FAM89B: variants seen among roughly 807,000 people sequenced by gnomAD.
FAM89B encodes the protein leucine repeat adapter protein 25.
A neutral mutation model predicts 13.4 loss-of-function variants in FAM89B; 9 were observed. The ratio of observed to expected loss-of-function variants is 0.67; its 90% CI spans 0.40 to 1.17. FAM89B has a LOEUF of 1.17. Among genes scored for constraint, FAM89B ranks in the 50% most tolerant of loss-of-function variants. FAM89B has a pLI of 0.01. For synonymous variants in FAM89B, 138 were observed against 121.2 expected (o/e 1.14, Z -0.91); for missense variants, 256 against 256.1 (o/e 1.00, Z 0.00).
Position 65,573,365 on chromosome 11 carries a change from G to A in FAM89B, c.294G>A (p.Val98=), listed in dbSNP as rs780339344. The change falls in exon 2 of 2, where the codon GTG becomes GTA. Residue 98 remains valine (V), a splice_region_variant and synonymous_variant. Coordinates refer to ENST00000530349, the MANE Select transcript of FAM89B (RefSeq NM_001098785.2). ...SALAALRKEM[V]GLRQLDMSLL... ...AGCCCACCCTCAGTTGTCTGCAGGT[G>A]GGGCTGCGGCAGTTGGACATGTCCT... is the stretch of plus-strand genomic sequence containing the variant. 6.5e-7 allele frequency: 1 copy of A among 1,549,714 alleles called. No homozygotes were observed. The highest frequency in any genetic ancestry group is 8.8e-7 in the Non-Finnish European group (1 of 1,141,700).
chr11:65,572,539 A>G lies in FAM89B; in HGVS notation c.-131A>G. On this transcript the variant is annotated 5_prime_UTR_variant, in exon 1 of 2. Coordinates refer to ENST00000530349, the MANE Select transcript of FAM89B (RefSeq NM_001098785.2). ...GAGGCGGAGTCTGAGGAGCTGGGGA[A>G]GGAACAAAGCGAGGCCTGCGGGCGG... The G allele has an allele frequency of 2.0e-6, 3 of 1,525,288 alleles. No homozygotes were observed. Among genetic ancestry groups the G allele is most frequent in the East Asian group, 2.5e-5 (1 of 40,452 alleles). The allele number at this position is 1,525,288 out of a possible 1,614,324, so 94.5% of individuals were successfully genotyped here. A position where few individuals can be genotyped will look rare whatever the true frequency, so the allele number is the denominator to read the frequency against.
In FAM89B at chr11:65,572,900, A is replaced by G. The variant is rs1339166879; in HGVS notation, c.231A>G (p.Ala77=). ...CCGGCGCCGCCAACGCGGGACCCGC[A>G]GCCGGCCCGCGTCGTCCTGTCAACC... is the stretch of plus-strand genomic sequence containing the variant. ...HAAGAANAGP[A]AGPRRPVNLD... is the part of the protein sequence containing the mutation. The change falls in exon 1 of 2, where the codon GCA becomes GCG. Residue 77 remains alanine, a synonymous_variant. Transcript: ENST00000530349. 2 of 1,214,410 alleles carry G rather than the reference A, an allele frequency of 1.6e-6. No homozygotes were observed. Among genetic ancestry groups the G allele is most frequent in the South Asian group, 4.1e-5 (1 of 24,636 alleles). The allele number at this position is 1,214,410 out of a possible 1,614,324, so 75.2% of individuals were successfully genotyped here.
chr11:65,572,873 C>A lies in FAM89B; in HGVS notation c.204C>A (p.Ala68=). 1.7e-6 allele frequency: 2 copies of A among 1,200,298 alleles called. No individual in the cohort carries two copies. Among genetic ancestry groups the A allele is most frequent in the Non-Finnish European group, 2.1e-6 (2 of 971,294 alleles). 74.4% of individuals were successfully genotyped at this position (1,200,298 alleles called of 1,614,324 possible). A position where few individuals can be genotyped will look rare whatever the true frequency, so the allele number is the denominator to read the frequency against. ...AARAPDGPRH[A]AGAANAGPAA... is the part of the protein sequence containing the mutation. ...GCGCCCCGGACGGGCCCCGCCACGCCGCCGGCGCCGCCAACGCGGGACCCG... is the reference window on the plus strand; with the variant it reads ...GCGCCCCGGACGGGCCCCGCCACGCAGCCGGCGCCGCCAACGCGGGACCCG... Residue 68 remains alanine (A), a synonymous_variant, in exon 1 of 2, where the codon GCC becomes GCA. Transcript: ENST00000530349.
chr11:65,572,645 A>G lies in FAM89B; in HGVS notation c.-25A>G. 8.5e-7 allele frequency: 1 copy of G among 1,176,858 alleles called. No individual in the cohort carries two copies. The highest frequency in any genetic ancestry group is 1.0e-6 in the Non-Finnish European group (1 of 955,324). The allele number at this position is 1,176,858 out of a possible 1,614,324, so 72.9% of individuals were successfully genotyped here. A position where few individuals can be genotyped will look rare whatever the true frequency, so the allele number is the denominator to read the frequency against. On this transcript the variant is annotated 5_prime_UTR_variant, in exon 1 of 2. Coordinates refer to ENST00000530349, the MANE Select transcript of FAM89B (RefSeq NM_001098785.2). ...GGAGCGTTGGAGGGAAGGAGGTGGC[A>G]TCGCCGTCCGCGCCGGCCCCGGCCA...
chr11:65,573,566 G>A lies in FAM89B; in HGVS notation c.495G>A (p.Pro165=). ...CCGATGCCAGCCTGCCTCCTGACCC[G>A]CCACCCCTTACTGTGCCCCAGACGC... ...EPPDASLPPD[P]PPLTVPQTHN... Residue 165 remains proline, a synonymous_variant, in exon 2 of 2, where the codon CCG becomes CCA. Coordinates refer to ENST00000530349, the MANE Select transcript of FAM89B (RefSeq NM_001098785.2). 6.2e-7 allele frequency: 1 copy of A among 1,613,460 alleles called. No individual in the cohort carries two copies. The highest frequency in any genetic ancestry group is 2.2e-5 in the East Asian group (1 of 44,884).
rs955401487 is a variant in FAM89B, at chr11:65,572,571, G to A, written c.-99G>A. On this transcript the variant is annotated 5_prime_UTR_variant, in exon 1 of 2. Coordinates refer to ENST00000530349, the MANE Select transcript of FAM89B (RefSeq NM_001098785.2). ...AAGCGAGGCCTGCGGGCGGCGGCTG[G>A]GCTCCGGCGGGGCCGCGGGGTGCGG... 2 of 1,412,770 alleles carry A rather than the reference G, an allele frequency of 1.4e-6. No homozygotes were observed. Among genetic ancestry groups the A allele is most frequent in the African/African-American group, 2.9e-5 (2 of 68,118 alleles). The allele number at this position is 1,412,770 out of a possible 1,614,324, so 87.5% of individuals were successfully genotyped here.
intron 1 of FAM89B, 134 bp from the exon 2 acceptor site, chr11:65,573,229 G>A (rs1857163826): frequency 3.5e-6 from 4 of 1,133,114 alleles, no homozygotes; most frequent in Non-Finnish European, 4.7e-6. Flanking sequence ...TAGCTTGCAG[G>A]TGGTGCCTGA....
In FAM89B at chr11:65,573,788, G is replaced by T. The variant is rs1857174615; in HGVS notation, c.*147G>T. 1.0e-6 allele frequency: 1 copy of T among 990,854 alleles called. No homozygotes were observed. The highest frequency in any genetic ancestry group is 1.4e-6 in the Non-Finnish European group (1 of 694,368). The allele number at this position is 990,854 out of a possible 1,614,324, so 61.4% of individuals were successfully genotyped here. On this transcript the variant is annotated 3_prime_UTR_variant, in exon 2 of 2. Coordinates refer to ENST00000530349, the MANE Select transcript of FAM89B (RefSeq NM_001098785.2). ...GCATGTATTCCTCAGAGGCGAAACT[G>T]CCAAACTCTTTCTCCTGTCTTGGGT...
chr11:65,572,882 C>T lies in FAM89B; in HGVS notation c.213C>T (p.Ala71=). 1.7e-6 allele frequency: 2 copies of T among 1,206,408 alleles called. No homozygotes were observed. Among genetic ancestry groups the T allele is most frequent in the Non-Finnish European group, 2.1e-6 (2 of 975,154 alleles). 74.7% of individuals were successfully genotyped at this position (1,206,408 alleles called of 1,614,324 possible). A position where few individuals can be genotyped will look rare whatever the true frequency, so the allele number is the denominator to read the frequency against. The part of the protein sequence containing the change: ...APDGPRHAAG[A]ANAGPAAGPR... ...ACGGGCCCCGCCACGCCGCCGGCGC[C>T]GCCAACGCGGGACCCGCAGCCGGCC... The change falls in exon 1 of 2, where the codon GCC becomes GCT. Residue 71 remains alanine, a synonymous_variant. Transcript: ENST00000530349.
In FAM89B at chr11:65,572,598, G is replaced by A; in HGVS notation, c.-72G>A. 5 of 1,229,924 alleles carry A rather than the reference G, an allele frequency of 4.1e-6. No homozygotes were observed. Among genetic ancestry groups the A allele is most frequent in the Non-Finnish European group, 5.0e-6 (5 of 990,592 alleles). The allele number at this position is 1,229,924 out of a possible 1,614,324, so 76.2% of individuals were successfully genotyped here. ...CTCCGGCGGGGCCGCGGGGTGCGGG[G>A]CCTGCGGGCGGCGGCCCGGGCGGAG... On this transcript the variant is annotated 5_prime_UTR_variant, in exon 1 of 2. Coordinates refer to ENST00000530349, the MANE Select transcript of FAM89B (RefSeq NM_001098785.2).
In FAM89B at chr11:65,573,443, G is replaced by A. The variant is rs375388891; in HGVS notation, c.372G>A (p.Leu124=). 3.1e-6 allele frequency: 5 copies of A among 1,613,474 alleles called. No homozygotes were observed. The highest frequency in any genetic ancestry group is 1.3e-5 in the African/African-American group (1 of 74,896). The change falls in exon 2 of 2, where the codon CTG becomes CTA. Residue 124 remains leucine, a synonymous_variant. Transcript: ENST00000530349. ...AGTCAATCCAGGACTACAAACACCTGTGCCAAGACCTGAGCTTCTGCCAGG... is the reference window on the plus strand; with the variant it reads ...AGTCAATCCAGGACTACAAACACCTATGCCAAGACCTGAGCTTCTGCCAGG... The part of the protein sequence containing the change: ...LYESIQDYKH[L]CQDLSFCQDL...
At chr11:65,573,263 A>C in intron 1 of FAM89B, 100 bp from the exon 2 acceptor site, 1 of 1,346,536 alleles carries the variant, frequency 7.4e-7, no homozygotes, top group Non-Finnish European at 9.7e-7. Context: ...TTCGTTTAGG[A>C]AGGTGCGGGG....
chr11:65,573,305 C>T (rs759006188), intron 1 of FAM89B, 58 bp from the exon 2 acceptor site: 1 of 1,124,134 alleles, frequency 8.9e-7, no homozygotes, highest in Non-Finnish European at 1.2e-6. Flanking sequence ...TTCCAGGGGG[C>T]GGGGCTGGGC....
Position 65,572,599 on chromosome 11 carries a change from C to A in FAM89B, c.-71C>A. On this transcript the variant is annotated 5_prime_UTR_variant, in exon 1 of 2. Coordinates refer to ENST00000530349, the MANE Select transcript of FAM89B (RefSeq NM_001098785.2). ...TCCGGCGGGGCCGCGGGGTGCGGGG[C>A]CTGCGGGCGGCGGCCCGGGCGGAGC... is the stretch of plus-strand genomic sequence containing the variant. 1 of 1,228,982 alleles carries A rather than the reference C, an allele frequency of 8.1e-7. No homozygotes were observed. Among genetic ancestry groups the A allele is most frequent in the South Asian group, 3.5e-5 (1 of 28,736 alleles). 76.1% of individuals were successfully genotyped at this position (1,228,982 alleles called of 1,614,324 possible).
Position 65,572,592 on chromosome 11 carries a change from T to C in FAM89B, c.-78T>C. 2.4e-6 allele frequency: 3 copies of C among 1,229,014 alleles called. No individual in the cohort carries two copies. The highest frequency in any genetic ancestry group is 3.0e-6 in the Non-Finnish European group (3 of 989,548). The allele number at this position is 1,229,014 out of a possible 1,614,324, so 76.1% of individuals were successfully genotyped here. ...GCTGGGCTCCGGCGGGGCCGCGGGG[T>C]GCGGGGCCTGCGGGCGGCGGCCCGG... is the stretch of plus-strand genomic sequence containing the variant. On this transcript the variant is annotated 5_prime_UTR_variant, in exon 1 of 2. Coordinates refer to ENST00000530349, the MANE Select transcript of FAM89B (RefSeq NM_001098785.2).
rs1383193339 is a variant in FAM89B, at chr11:65,573,807, C to G, written c.*166C>G. The G allele has an allele frequency of 4.3e-5, 37 of 851,820 alleles. No homozygotes were observed. The highest frequency in any genetic ancestry group is 6.3e-5 in the Non-Finnish European group (36 of 571,658). The allele number at this position is 851,820 out of a possible 1,614,324, so 52.8% of individuals were successfully genotyped here. A position where few individuals can be genotyped will look rare whatever the true frequency, so the allele number is the denominator to read the frequency against. ...GAAACTGCCAAACTCTTTCTCCTGT[C>G]TTGGGTTGGCTGGCACTGGGGCGGG... On this transcript the variant is annotated 3_prime_UTR_variant, in exon 2 of 2. Coordinates refer to ENST00000530349, the MANE Select transcript of FAM89B (RefSeq NM_001098785.2).
chr11:65,573,855 C>T lies in FAM89B; in HGVS notation c.*214C>T, dbSNP rs541389592. The T allele has an allele frequency of 3.7e-5, 21 of 575,170 alleles. No individual in the cohort carries two copies. Among genetic ancestry groups the T allele is most frequent in the African/African-American group, 3.6e-4 (19 of 52,594 alleles). The allele number at this position is 575,170 out of a possible 1,614,324, so 35.6% of individuals were successfully genotyped here. On this transcript the variant is annotated 3_prime_UTR_variant, in exon 2 of 2. Coordinates refer to ENST00000530349, the MANE Select transcript of FAM89B (RefSeq NM_001098785.2). ...GGGCATCTAGGGTACAGCCTCTGCT[C>T]ATGGCACTGGGCCTCCAGTTCTTCC... is the stretch of plus-strand genomic sequence containing the variant.
In FAM89B at chr11:65,573,372, C is replaced by T; in HGVS notation, c.301C>T (p.Arg101Trp). 6.4e-7 allele frequency: 1 copy of T among 1,554,560 alleles called. No homozygotes were observed. Among genetic ancestry groups the T allele is most frequent in the Non-Finnish European group, 8.7e-7 (1 of 1,143,748 alleles). The change falls in exon 2 of 2, where the codon CGG becomes TGG. Residue 101 changes from arginine (R) to tryptophan (W), a missense_variant. Arg to Trp is a moderately radical substitution (Grantham distance 101). Coordinates refer to ENST00000530349, the MANE Select transcript of FAM89B (RefSeq NM_001098785.2). ...CCTCAGTTGTCTGCAGGTGGGGCTGCGGCAGTTGGACATGTCCTTGTTGTG... is the reference window on the plus strand; with the variant it reads ...CCTCAGTTGTCTGCAGGTGGGGCTGTGGCAGTTGGACATGTCCTTGTTGTG... The part of the protein sequence containing the change: ...AALRKEMVGL[R>W]QLDMSLLCQL...
rs1287361017 is a variant in FAM89B at position 65,572,549 on chromosome 11, C to G, written c.-121C>G. ...CTGAGGAGCTGGGGAAGGAACAAAGCGAGGCCTGCGGGCGGCGGCTGGGCT... is the reference window on the plus strand; with the variant it reads ...CTGAGGAGCTGGGGAAGGAACAAAGGGAGGCCTGCGGGCGGCGGCTGGGCT... On this transcript the variant is annotated 5_prime_UTR_variant, in exon 1 of 2. Transcript: ENST00000530349. 2.4e-5 allele frequency: 35 copies of G among 1,474,574 alleles called. No homozygotes were observed. The highest frequency in any genetic ancestry group is 3.1e-5 in the Non-Finnish European group (34 of 1,111,284). The allele number at this position is 1,474,574 out of a possible 1,614,324, so 91.3% of individuals were successfully genotyped here. A position where few individuals can be genotyped will look rare whatever the true frequency, so the allele number is the denominator to read the frequency against.
Sources: allele counts gnomAD v4.1 joint callset, GRCh38; gene constraint gnomAD v4.1.1; transcripts MANE v1.5; gene names NCBI Gene and HGNC (gene_info 2026-07-23, HGNC 2026-07-21).